The following ATG10 variants were observed in gnomAD, a reference collection of about 807,000 sequenced individuals.
ATG10 encodes the protein ubiquitin-like-conjugating enzyme ATG10.
A neutral mutation model predicts 32.1 loss-of-function variants in ATG10; 30 were observed. The ratio of observed to expected loss-of-function variants is 0.94; its 90% CI spans 0.70 to 1.27. The LOEUF is 1.27. ATG10 is among the 50% of genes most tolerant of loss of function. The probability of loss-of-function intolerance (pLI) is 0.00; values close to 1 mark genes in which losing one functional copy is unlikely to be tolerated. For missense variants in ATG10, 233 were observed against 262.3 expected (o/e 0.89, Z 0.77); for synonymous variants, 87 against 91.5 (o/e 0.95, Z 0.28).
rs560234396 is a variant in ATG10, at chr5:82,130,334, C to T, written c.217-34065C>T. ...CCACTTGGCTCCCTGGCTTTAGCCC[C>T]CTTTTCAGGGGAGCGAATGGTTCTG... On this transcript the variant is annotated intron_variant, in intron 3 of 7. Transcript: ENST00000282185. Among the ~76,000 whole-genome samples, 20 of 152,090 alleles carry T rather than the reference C, an allele frequency of 1.3e-4. 1 individual carries two copies. In the South Asian group the frequency reaches 4.2e-3, roughly 32 times the overall value.
At chr5:82,190,491 G>A (rs922301665) in intron 5 of ATG10, among the ~76,000 whole-genome samples, 7 of 151,734 alleles carry the variant, frequency 4.6e-5, no homozygotes, top group East Asian at 1.9e-4. Context: ...GTAGAATTCC[G>A]ACCAGGCATG....
intron 2 of ATG10, among the ~76,000 whole-genome samples, chr5:82,035,387 T>C (rs1762886896): frequency 6.6e-6 from 1 of 152,194 alleles, no homozygotes; most frequent in African/African-American, 2.4e-5. Context: ...GCACATTGCA[T>C]GAAGTAAGTG....
At chr5:82,124,807 G>C (rs541698450) in intron 3 of ATG10, among the ~76,000 whole-genome samples, 3 of 152,120 alleles carry the variant, frequency 2.0e-5, no homozygotes, top group Non-Finnish European at 4.4e-5. Flanking sequence ...TATATGCCCA[G>C]TAATGGGATT....
chr5:82,002,844 T>C (rs1222971970), intron 2 of ATG10, among the ~76,000 whole-genome samples: 2 of 152,214 alleles, frequency 1.3e-5, no homozygotes, highest in African/African-American at 2.4e-5. Context: ...ACTATGCTTA[T>C]CACTTTGGTG....
chr5:82,139,057 C>G (rs995900256), intron 3 of ATG10, among the ~76,000 whole-genome samples: 6 of 149,682 alleles, frequency 4.0e-5, no homozygotes, highest in South Asian at 2.1e-4. Context: ...TTGGCCGGGC[C>G]GGTCTCCAGC....
intron 2 of ATG10, among the ~76,000 whole-genome samples, chr5:81,991,355 A>G (rs1453265814): frequency 6.6e-6 from 1 of 152,186 alleles, no homozygotes; most frequent in East Asian, 1.9e-4. Context: ...TATAATTGGC[A>G]TACAATAAAC....
rs144474161 is a variant in ATG10 at position 82,225,516 on chromosome 5, C to T, written c.454-27046C>T. 9.8e-5 allele frequency among the ~76,000 whole-genome samples: 15 copies of T among 152,298 alleles called. No homozygotes were observed. In the East Asian group the frequency reaches 2.7e-3, roughly 27 times the overall value. ...AGCATTTTGCTTTCCAAGCAGATTCCAAGTCCATCTAGCTGCTGCTTTGTA... is the reference window on the plus strand; with the variant it reads ...AGCATTTTGCTTTCCAAGCAGATTCTAAGTCCATCTAGCTGCTGCTTTGTA... On this transcript the variant is annotated intron_variant, in intron 5 of 7. Transcript: ENST00000282185.
chr5:82,223,676 TAATC>T (rs1205907134), intron 5 of ATG10, among the ~76,000 whole-genome samples: 1 of 152,302 alleles, frequency 6.6e-6, no homozygotes, highest in African/African-American at 2.4e-5. Context: ...ACAGAAGAAT[TAATC>T]AATAATAAAA....
intron 2 of ATG10, 92 bp downstream of exon 2, chr5:81,987,770 A>C: frequency 3.4e-6 from 3 of 878,530 alleles, no homozygotes; most frequent in African/African-American, 1.7e-5. Flanking sequence ...TCCATAATTG[A>C]AATTAAGGTA....
intron 3 of ATG10, among the ~76,000 whole-genome samples, chr5:82,067,543 C>T (rs1194165303): frequency 6.6e-6 from 1 of 152,100 alleles, no homozygotes; most frequent in Admixed American, 6.6e-5. Context: ...GCTTCATATT[C>T]TGCTGAATCT....
intron 5 of ATG10, among the ~76,000 whole-genome samples, chr5:82,191,185 A>G (rs1357113650): frequency 1.3e-5 from 2 of 152,230 alleles, no homozygotes; most frequent in Non-Finnish European, 2.9e-5. Flanking sequence ...GTATCAATCA[A>G]CTTAACACTG....
chr5:82,221,725 C>T, intron 5 of ATG10, among the ~76,000 whole-genome samples: 1 of 152,110 alleles, frequency 6.6e-6, no homozygotes. Context: ...TATAGGCATG[C>T]AAAAATATAT....
chr5:82,180,815 T>C (rs960353548), intron 5 of ATG10, among the ~76,000 whole-genome samples: 2 of 152,196 alleles, frequency 1.3e-5, no homozygotes, highest in African/African-American at 4.8e-5. Flanking sequence ...ATTAATCTCC[T>C]TAATGCAGGC....
chr5:82,222,992 G>C (rs527904722), intron 5 of ATG10, among the ~76,000 whole-genome samples: 10 of 152,354 alleles, frequency 6.6e-5, no homozygotes, highest in African/African-American at 2.2e-4. Context: ...CAAGTTGGTA[G>C]GTTGGAAAAT....
At chr5:82,162,021 TA>T (rs1397578889) in intron 3 of ATG10, among the ~76,000 whole-genome samples, 22 of 152,186 alleles carry the variant, frequency 1.4e-4, no homozygotes, top group African/African-American at 4.3e-4. Flanking sequence ...TCCTTTGTGA[TA>T]AAAAAGTACA....
At chr5:82,198,058 A>G (rs1196798962) in intron 5 of ATG10, among the ~76,000 whole-genome samples, 2 of 152,292 alleles carry the variant, frequency 1.3e-5, no homozygotes, top group East Asian at 1.9e-4. Flanking sequence ...GGCCTGGGGA[A>G]GGTTGACTAA....
chr5:82,219,744 A>C (rs1745842063), intron 5 of ATG10, among the ~76,000 whole-genome samples: 2 of 152,222 alleles, frequency 1.3e-5, no homozygotes, highest in South Asian at 4.1e-4. Context: ...CTTTTAGCCA[A>C]GCCAATTTTA....
intron 5 of ATG10, among the ~76,000 whole-genome samples, chr5:82,219,853 C>T (rs776701634): frequency 4.6e-5 from 7 of 152,172 alleles, no homozygotes; most frequent in Non-Finnish European, 7.3e-5. Flanking sequence ...CTCTCATTCA[C>T]AAATATTAAA....
chr5:82,138,170 G>A (rs144265682), intron 3 of ATG10, among the ~76,000 whole-genome samples: 31 of 152,306 alleles, frequency 2.0e-4, no homozygotes, highest in Non-Finnish European at 3.4e-4. Flanking sequence ...GCTCCCCAGG[G>A]GTGGGATCTG....
Sources: allele counts gnomAD v4.1 joint callset (sites outside exome capture counted in the v4.1 genomes callset), GRCh38; gene constraint gnomAD v4.1.1; transcripts MANE v1.5; gene names NCBI Gene and HGNC (gene_info 2026-07-23, HGNC 2026-07-21).